Variants in CTNNA2 observed in about 807,000 individuals in gnomAD.
CTNNA2 encodes the protein catenin alpha-2.
In CTNNA2, 42 loss-of-function variants were observed where a neutral mutation model predicts 101.0. The ratio of observed to expected loss-of-function variants is 0.42; its 90% CI spans 0.32 to 0.54. The LOEUF (loss-of-function observed/expected upper bound fraction) is 0.54. Ranked by LOEUF, CTNNA2 falls within the 20% of genes least tolerant of loss-of-function variation. The probability of loss-of-function intolerance (pLI) is 0.14; values close to 1 mark genes in which losing one functional copy is unlikely to be tolerated. For missense variants in CTNNA2, 871 were observed against 1,223.1 expected (o/e 0.71, Z 4.29); for synonymous variants, 450 against 456.4 (o/e 0.99, Z 0.18).
chr2:79,701,749 C>T (rs1285766918), intron 2 of CTNNA2, among the ~76,000 whole-genome samples: 2 of 152,062 alleles, frequency 1.3e-5, no homozygotes, highest in Admixed American at 1.3e-4. Context: ...TGCCTGTAAT[C>T]CCAGCACTTT....
intron 12 of CTNNA2, among the ~76,000 whole-genome samples, chr2:80,561,106 A>G (rs1396131208): frequency 6.6e-6 from 1 of 152,052 alleles, no homozygotes; most frequent in Non-Finnish European, 1.5e-5. Flanking sequence ...TTATGATTGG[A>G]CAGGTCTGAG....
intron 9 of CTNNA2, among the ~76,000 whole-genome samples, chr2:80,485,238 G>A (rs917166296): frequency 1.3e-5 from 2 of 152,110 alleles, no homozygotes; most frequent in Admixed American, 6.5e-5. Flanking sequence ...CAGAATATTT[G>A]TTTTTGGAAG....
At chr2:80,536,490 C>A (rs937621601) in intron 9 of CTNNA2, among the ~76,000 whole-genome samples, 3 of 151,980 alleles carry the variant, frequency 2.0e-5, no homozygotes, top group African/African-American at 7.3e-5. Flanking sequence ...CAATATGATA[C>A]CTGAAGCTGT....
Position 79,401,313 on chromosome 2 carries a change from T to C in CTNNA2, c.-135+27300T>C, listed in dbSNP as rs1481049760. On this transcript the variant is annotated intron_variant, in intron 4 of 21. Coordinates refer to the CTNNA2 transcript ENST00000466387. ...AAAAGAAAAACTGAACACCATTAAA[T>C]GCAAAAATAAAAATAATATAAATAT... Among the ~76,000 whole-genome samples the C allele has an allele frequency of 3.3e-5, 5 of 151,468 alleles. No individual in the cohort carries two copies. In the East Asian group the frequency reaches 9.7e-4, roughly 29 times the overall value.
intron 2 of CTNNA2, among the ~76,000 whole-genome samples, chr2:79,658,082 T>C (rs1159016392): frequency 6.6e-6 from 1 of 151,966 alleles, no homozygotes; most frequent in Non-Finnish European, 1.5e-5. Flanking sequence ...CAAAGATATT[T>C]CTTTATAATT....
Position 79,731,710 on chromosome 2 carries a change from T to C in CTNNA2, c.103-12677T>C, listed in dbSNP as rs546800279. Among the ~76,000 whole-genome samples, 5 of 152,220 alleles carry C rather than the reference T, an allele frequency of 3.3e-5. No homozygotes were observed. In the South Asian group the frequency reaches 8.3e-4, roughly 25 times the overall value. On this transcript the variant is annotated intron_variant, in intron 2 of 18. Transcript: ENST00000402739. ...CTGGCTGGTTGTCCGTGAGGTTCAT[T>C]TGGGCTGGAAGTATTGAGGGAGATG...
At chr2:80,080,641 G>A (rs1349151717) in intron 7 of CTNNA2, among the ~76,000 whole-genome samples, 2 of 152,112 alleles carry the variant, frequency 1.3e-5, no homozygotes, top group East Asian at 3.9e-4. Context: ...TGTGTTGCGA[G>A]CCTGTGTACA....
In CTNNA2 at chr2:79,642,209, G is replaced by A. The variant is rs369313358; in HGVS notation, c.-5-9343G>A. ...ATTACAATGATATTTTTGTTCAGCA[G>A]CACTTCTTTGAGTGTTTTGTTAAAA... On this transcript the variant is annotated intron_variant, in intron 1 of 18. Transcript: ENST00000402739. Among the ~76,000 whole-genome samples, 20 of 152,240 alleles carry A rather than the reference G, an allele frequency of 1.3e-4. No individual in the cohort carries two copies. In the South Asian group the frequency reaches 3.7e-3, roughly 28 times the overall value.
chr2:80,122,503 T>C (rs554715246), intron 7 of CTNNA2, among the ~76,000 whole-genome samples: 14 of 152,208 alleles, frequency 9.2e-5, no homozygotes, highest in African/African-American at 2.2e-4. Flanking sequence ...TTGCTGAAAA[T>C]TGGAGGGTTG....
intron 2 of CTNNA2, among the ~76,000 whole-genome samples, chr2:79,737,102 C>CT (rs1670935948): frequency 6.6e-6 from 1 of 152,128 alleles, no homozygotes; most frequent in African/African-American, 2.4e-5. Context: ...AATCCCAGCT[C>CT]TTTGGGAGGC....
At chr2:79,791,935 C>T (rs1675303505) in intron 3 of CTNNA2, among the ~76,000 whole-genome samples, 1 of 152,166 alleles carries the variant, frequency 6.6e-6, no homozygotes, top group Admixed American at 6.5e-5. Context: ...ATTTGTCACT[C>T]TACGGAGAAG....
intron 6 of CTNNA2, among the ~76,000 whole-genome samples, chr2:79,900,302 T>A (rs973177406): frequency 1.3e-5 from 2 of 152,194 alleles, no homozygotes; most frequent in African/African-American, 4.8e-5. Flanking sequence ...TTTTCTTTGT[T>A]TTAAGAAGGA....
chr2:79,782,643 A>G (rs1177309073), intron 3 of CTNNA2, among the ~76,000 whole-genome samples: 1 of 152,194 alleles, frequency 6.6e-6, no homozygotes, highest in Non-Finnish European at 1.5e-5. Flanking sequence ...GTGTAGTGAT[A>G]CTGGTTGTCT....
At chr2:80,524,601 C>G (rs1573129734) in intron 9 of CTNNA2, among the ~76,000 whole-genome samples, 1 of 152,138 alleles carries the variant, frequency 6.6e-6, no homozygotes, top group Non-Finnish European at 1.5e-5. Flanking sequence ...TCTCCAAATA[C>G]CCCAGTCTCT....
chr2:80,618,948 A>G (rs1699075707), intron 17 of CTNNA2, 137 bp from the exon 18 acceptor site: 1 of 464,782 alleles, frequency 2.2e-6, no homozygotes, highest in Non-Finnish European at 3.7e-6. Context: ...TCAGCACGTA[A>G]TTCCTTCATA....
rs572916702 is a variant in CTNNA2 at position 80,487,071 on chromosome 2, G to A, written c.1291-57911G>A. Among the ~76,000 whole-genome samples the A allele has an allele frequency of 2.6e-5, 4 of 152,078 alleles. No homozygotes were observed. The East Asian group carries it at 7.8e-4, about 29-fold the overall frequency. ...GAGGTCGAGGCGGGTGGATCAGGAG[G>A]TCAGGAGTTCCAGACCAGCGTGACC... On this transcript the variant is annotated intron_variant, in intron 9 of 18. Transcript: ENST00000402739.
intron 9 of CTNNA2, among the ~76,000 whole-genome samples, chr2:80,436,714 A>G (rs1438153471): frequency 6.6e-6 from 1 of 152,072 alleles, no homozygotes; most frequent in African/African-American, 2.4e-5. Context: ...CTCTGCTTCA[A>G]AGATGGAGGC....
intron 14 of CTNNA2, among the ~76,000 whole-genome samples, chr2:80,588,445 T>C (rs139220363): frequency 1.8e-3 from 270 of 152,326 alleles, no homozygotes; most frequent in African/African-American, 6.0e-3. Flanking sequence ...CAACTCAATT[T>C]TTTTGCTGCT....
chr2:79,905,132 C>T (rs1558629027), intron 6 of CTNNA2, among the ~76,000 whole-genome samples: 1 of 151,876 alleles, frequency 6.6e-6, no homozygotes, highest in Non-Finnish European at 1.5e-5. Flanking sequence ...ATTGCCACTC[C>T]ATAAACTGTA....
Sources: gnomAD v4.1 joint callset for allele counts (sites outside exome capture counted in the v4.1 genomes callset) on GRCh38, gnomAD v4.1.1 for gene constraint, MANE v1.5 for transcripts, NCBI Gene and HGNC (gene_info 2026-07-23, HGNC 2026-07-21) for gene names.